The following CLASP1 variants were observed in gnomAD, a reference collection of about 807,000 sequenced individuals.
CLASP1 encodes CLIP-associating protein 1.
In CLASP1, 38 loss-of-function variants were observed where a neutral mutation model predicts 192.3. That is an observed-to-expected ratio of 0.20 (90% CI 0.15 to 0.26). CLASP1 has a LOEUF of 0.26. Ranked by LOEUF, CLASP1 falls within the 10% of genes least tolerant of loss-of-function variation. The probability of loss-of-function intolerance (pLI) is 1.00; values close to 1 mark genes in which losing one functional copy is unlikely to be tolerated. For synonymous variants in CLASP1, 691 were observed against 712.8 expected (o/e 0.97, Z 0.49); for missense variants, 1,433 against 1,932.5 (o/e 0.74, Z 4.85).
intron 2 of CLASP1, among the ~76,000 whole-genome samples, chr2:121,558,512 A>G (rs1456834494): frequency 1.3e-5 from 2 of 152,216 alleles, no homozygotes; most frequent in East Asian, 3.9e-4. Flanking sequence ...TTAATGGGTT[A>G]TCACGGGAGT....
chr2:121,519,081 T>A (rs940628183), intron 6 of CLASP1, among the ~76,000 whole-genome samples: 2 of 152,064 alleles, frequency 1.3e-5, no homozygotes, highest in African/African-American at 4.8e-5. Context: ...TTTAAGAGAT[T>A]TACTGGAAAA....
chr2:121,416,638 C>G (rs575687506), intron 23 of CLASP1, among the ~76,000 whole-genome samples: 1 of 152,260 alleles, frequency 6.6e-6, no homozygotes, highest in Admixed American at 6.5e-5. Context: ...ATAAATGACT[C>G]AGAAACTTCT....
chr2:121,448,420 TTTCA>T (rs2084787493), intron 17 of CLASP1, 95 bp from the exon 18 acceptor site: 1 of 1,148,760 alleles, frequency 8.7e-7, no homozygotes, highest in Admixed American at 1.8e-5. Flanking sequence ...TGAAGAATTA[TTTCA>T]GAGTTTTCAG....
At chr2:121,375,358 C>A (rs1230486139) in intron 34 of CLASP1, among the ~76,000 whole-genome samples, 3 of 142,950 alleles carry the variant, frequency 2.1e-5, no homozygotes, top group African/African-American at 7.9e-5. Flanking sequence ...TACCTAGTTT[C>A]TGATTTTTTT....
chr2:121,499,987 T>G (rs1298716384), intron 8 of CLASP1, among the ~76,000 whole-genome samples: 2 of 152,234 alleles, frequency 1.3e-5, no homozygotes, highest in East Asian at 3.9e-4. Flanking sequence ...TTCTAGCCAG[T>G]GCAATAAGGC....
At chr2:121,495,869 G>A (rs1179236882) in intron 8 of CLASP1, among the ~76,000 whole-genome samples, 1 of 152,174 alleles carries the variant, frequency 6.6e-6, no homozygotes, top group East Asian at 1.9e-4. Flanking sequence ...TAAGAAATTC[G>A]CTAAGAATTT....
At chr2:121,511,648 A>G (rs1477093962) in intron 7 of CLASP1, among the ~76,000 whole-genome samples, 2 of 152,198 alleles carry the variant, frequency 1.3e-5, no homozygotes, top group South Asian at 4.1e-4. Context: ...AGTGAAAAGT[A>G]TAATTCTTAT....
intron 2 of CLASP1, among the ~76,000 whole-genome samples, chr2:121,560,562 T>A (rs1482991895): frequency 6.6e-6 from 1 of 152,210 alleles, no homozygotes; most frequent in African/African-American, 2.4e-5. Flanking sequence ...GTCTAGGTTT[T>A]CTCTGCAAAG....
chr2:121,549,920 G>A (rs952336987), intron 2 of CLASP1, among the ~76,000 whole-genome samples: 2 of 150,892 alleles, frequency 1.3e-5, no homozygotes, highest in African/African-American at 4.9e-5. Context: ...GCAGGAGAAT[G>A]GCGTGAACCT....
exon 20 of CLASP1, chr2:121,430,089 C>T (rs1204447596): frequency 6.4e-6 from 10 of 1,567,434 alleles, no homozygotes. Context: ...ACTGTGAAAC[C>T]ACTTTAGCGC....
chr2:121,419,371 G>T (rs1212918264), intron 22 of CLASP1, among the ~76,000 whole-genome samples: 2 of 151,906 alleles, frequency 1.3e-5, no homozygotes, highest in Admixed American at 1.3e-4. Flanking sequence ...TAAAAAGTGG[G>T]GACTGTTATC....
intron 2 of CLASP1, among the ~76,000 whole-genome samples, chr2:121,580,767 AT>A (rs1004158847): frequency 6.6e-6 from 1 of 152,022 alleles, no homozygotes; most frequent in Non-Finnish European, 1.5e-5. Context: ...TCATGCACAT[AT>A]TTTTTTTCTT....
intron 30 of CLASP1, among the ~76,000 whole-genome samples, chr2:121,392,483 T>C (rs550665346): frequency 9.5e-4 from 144 of 152,356 alleles, no homozygotes; most frequent in Non-Finnish European, 1.6e-3. Flanking sequence ...TATTTATGTA[T>C]AGAGATAGGA....
At chr2:121,383,013 G>GT (rs2149354848) in intron 32 of CLASP1, among the ~76,000 whole-genome samples, 1 of 152,330 alleles carries the variant, frequency 6.6e-6, no homozygotes, top group African/African-American at 2.4e-5. Flanking sequence ...TATGAGAACT[G>GT]AAATTCTCTG....
intron 4 of CLASP1, among the ~76,000 whole-genome samples, 171 bp downstream of exon 4, chr2:121,528,502 CTTAT>C (rs1165950156): frequency 6.6e-6 from 1 of 152,194 alleles, no homozygotes; most frequent in South Asian, 2.1e-4. Flanking sequence ...AGTTTTGTGA[CTTAT>C]TTAAATATCT....
At chr2:121,378,189 C>CA (rs1386724827) in intron 33 of CLASP1, among the ~76,000 whole-genome samples, 1 of 152,134 alleles carries the variant, frequency 6.6e-6, no homozygotes, top group Non-Finnish European at 1.5e-5. Context: ...ACCCTAGACT[C>CA]AAAGTCAGAT....
chr2:121,457,742 T>C (rs1443728009), exon 14 of CLASP1: 1 of 1,612,974 alleles, frequency 6.2e-7, no homozygotes, highest in Non-Finnish European at 8.5e-7. Flanking sequence ...GGTATTAACC[T>C]AGGGATGTGT....
intron 8 of CLASP1, among the ~76,000 whole-genome samples, chr2:121,481,549 T>C (rs2092598772): frequency 6.6e-6 from 1 of 152,222 alleles, no homozygotes; most frequent in Admixed American, 6.5e-5. Context: ...CAATTAGGAA[T>C]ATGCTTTCAT....
intron 7 of CLASP1, among the ~76,000 whole-genome samples, chr2:121,514,776 A>G (rs1392582162): frequency 6.6e-6 from 1 of 152,224 alleles, no homozygotes; most frequent in Non-Finnish European, 1.5e-5. Context: ...TCCCATTTCC[A>G]GATGCCCAGT....
Sources: allele counts gnomAD v4.1 joint callset (sites outside exome capture counted in the v4.1 genomes callset), GRCh38; gene constraint gnomAD v4.1.1; transcripts MANE v1.5; gene names NCBI Gene and HGNC (gene_info 2026-07-23, HGNC 2026-07-21).